UNG: variants seen among roughly 807,000 people sequenced by gnomAD.
UNG encodes the protein uracil DNA glycosylase, also known as uracil-DNA glycosylase.
Under a neutral mutation model 36.5 loss-of-function variants are expected in UNG, and 34 were observed. The observed-to-expected ratio is 0.93, with a 90% confidence interval of 0.71 to 1.24. The LOEUF (loss-of-function observed/expected upper bound fraction) is 1.24, where lower values mean the gene tolerates loss of function less well. UNG is among the 50% of genes most tolerant of loss of function. The pLI is 0.00. For synonymous variants in UNG, 172 were observed against 157.8 expected, an observed-to-expected ratio of 1.09 and a Z score of -0.67; for missense variants, 391 against 397.6, an observed-to-expected ratio of 0.98 and a Z score of 0.14.
intron 3 of UNG, 135 bp downstream of exon 3, chr12:109,099,419 CTG>C (rs2042160269): frequency 9.0e-6 from 7 of 781,472 alleles, no homozygotes; most frequent in South Asian, 8.9e-5. Flanking sequence ...GTTTGGCTGA[CTG>C]TATTTCAGCC....
intron 2 of UNG, 85 bp downstream of exon 2, chr12:109,098,723 T>A: frequency 6.3e-7 from 1 of 1,582,284 alleles, no homozygotes; most frequent in Non-Finnish European, 8.6e-7. Context: ...GCCAAGTTCA[T>A]GTTTCCGTAG....
intron 3 of UNG, 183 bp downstream of exon 3, chr12:109,099,467 T>G (rs1051498811): frequency 3.3e-6 from 2 of 614,046 alleles, no homozygotes; most frequent in South Asian, 3.9e-5. Context: ...CACGTGGTAT[T>G]TATGTGGCAA....
intron 6 of UNG, among the ~76,000 whole-genome samples, chr12:109,107,428 C>A (rs2042225887): frequency 6.6e-6 from 1 of 151,648 alleles, no homozygotes; most frequent in Non-Finnish European, 1.5e-5. Flanking sequence ...GGCTCTTGAA[C>A]TCCTGGACTT....
chr12:109,103,364 G>T (rs1004097919), intron 5 of UNG, 69 bp from the exon 6 acceptor site: 1 of 1,422,930 alleles, frequency 7.0e-7, no homozygotes. Flanking sequence ...CATGGATTTA[G>T]CTCCTGTTGC....
At chr12:109,108,481 A>T (rs1478809488) in intron 6 of UNG, among the ~76,000 whole-genome samples, 1 of 152,092 alleles carries the variant, frequency 6.6e-6, no homozygotes, top group African/African-American at 2.4e-5. Flanking sequence ...AAACACAAAA[A>T]ATTAGCCTGG....
chr12:109,102,947 ATTTTTTTTT>A lies in UNG; in HGVS notation c.622+34_622+42del, dbSNP rs386377711. 3.8e-5 allele frequency: 37 copies of A among 971,342 alleles called. No individual in the cohort carries two copies. The African/African-American group carries it at 6.9e-4, about 18-fold the overall frequency. The allele number at this position is 971,342 out of a possible 1,614,324, so 60.2% of individuals were successfully genotyped here. On this transcript the variant is annotated intron_variant, in intron 5 of 6. Transcript: ENST00000242576. Reference sequence around the variant, plus strand: ...AGCAAGGTAAGCCAGCGACTGCTAGATTTTTTTTTTTTTTTTTTTTTTGAGACCGAGTCT... The same window carrying A: ...AGCAAGGTAAGCCAGCGACTGCTAGATTTTTTTTTTTTTGAGACCGAGTCT...
chr12:109,098,310 T>C (rs768135691), intron 1 of UNG, 122 bp from the exon 2 acceptor site: 1 of 1,591,914 alleles, frequency 6.3e-7, no homozygotes, highest in Non-Finnish European at 8.6e-7. Flanking sequence ...CCGCTTTTGC[T>C]GGGACCTGTT....
chr12:109,102,341 G>A (rs2042184530), intron 4 of UNG, among the ~76,000 whole-genome samples: 2 of 152,206 alleles, frequency 1.3e-5, no homozygotes, highest in East Asian at 1.9e-4. Flanking sequence ...GGCCGGGCGC[G>A]GTGACTCACG....
At chr12:109,106,918 T>TATATATATATATAC (rs1593324397) in intron 6 of UNG, among the ~76,000 whole-genome samples, 1 of 5,782 alleles carries the variant, frequency 1.7e-4, no homozygotes, top group African/African-American at 6.6e-4. Flanking sequence ...TATATATATG[T>TATATATATATATAC]GTATATATAT....
At chr12:109,106,934 T>TATATATAA (rs1566123324) in intron 6 of UNG, among the ~76,000 whole-genome samples, 1 of 39,906 alleles carries the variant, frequency 2.5e-5, no homozygotes, top group Non-Finnish European at 4.4e-5. Context: ...TATATATATA[T>TATATATAA]AAAAAATATT....
intron 4 of UNG, 89 bp from the exon 5 acceptor site, chr12:109,102,749 TA>T: frequency 9.0e-7 from 1 of 1,106,052 alleles, no homozygotes; most frequent in Non-Finnish European, 1.4e-6. Context: ...CTGTAACTTC[TA>T]ACCTTTTCAC....
Position 109,099,210 on chromosome 12 carries a change from G to T in UNG, c.361G>T (p.Glu121Ter). ...FIKLMGFVAE[E>*]RKHYTVYPPP... ...TCAGCTAATGGGATTTGTTGCAGAA[G>T]AAAGAAAGCATTACACTGTTTATCC... The change falls in exon 3 of 7, where the codon GAA (glutamate) becomes TAA (stop). Residue 121 changes from glutamate (E) to a stop codon, truncating the protein, a stop_gained. Coordinates refer to ENST00000242576, the MANE Select transcript of UNG (RefSeq NM_080911.3). LOFTEE classifies it high-confidence loss of function. 6.2e-7 allele frequency: 1 copy of T among 1,613,580 alleles called. No homozygotes were observed. Among genetic ancestry groups the T allele is most frequent in the Non-Finnish European group, 8.5e-7 (1 of 1,179,936 alleles).
At chr12:109,108,997 T>G (rs1317970536) in intron 6 of UNG, among the ~76,000 whole-genome samples, 1 of 152,180 alleles carries the variant, frequency 6.6e-6, no homozygotes, top group Non-Finnish European at 1.5e-5. Context: ...CACTTCATTG[T>G]AAAAGAAGCT....
In UNG at chr12:109,110,986, A is replaced by G. The variant is rs1190026641; in HGVS notation, c.*1017A>G. ...CGAGGTTTGTTAATAAAAGTTTGTT[A>G]AAAGTTTGTTTTGTGCAAGTGTCCT... On this transcript the variant is annotated 3_prime_UTR_variant, in exon 7 of 7. Coordinates refer to ENST00000242576, the MANE Select transcript of UNG (RefSeq NM_080911.3). 2 of 152,108 alleles carry G rather than the reference A, an allele frequency of 1.3e-5. No homozygotes were observed. Among genetic ancestry groups the G allele is most frequent in the African/African-American group, 4.8e-5 (2 of 41,416 alleles). 9.4% of individuals were successfully genotyped at this position (152,108 alleles called of 1,614,324 possible). A position where few individuals can be genotyped will look rare whatever the true frequency, so the allele number is the denominator to read the frequency against.
chr12:109,103,512 C>T lies in UNG; in HGVS notation c.702C>T (p.Phe234=). ...NSHKERGWEQ[F]TDAVVSWLNQ... ...ATAAGGAGCGAGGCTGGGAGCAGTT[C>T]ACTGATGCAGTTGTGTCCTGGCTAA... is the stretch of plus-strand genomic sequence containing the variant. The change falls in exon 6 of 7, where the codon TTC becomes TTT. Residue 234 remains phenylalanine (F), a synonymous_variant. Transcript: ENST00000242576. 1 of 1,614,228 alleles carries T rather than the reference C, an allele frequency of 6.2e-7. No individual in the cohort carries two copies. The highest frequency in any genetic ancestry group is 8.5e-7 in the Non-Finnish European group (1 of 1,180,036).
At chr12:109,106,917 G>GTATATATA (rs1473302640) in intron 6 of UNG, among the ~76,000 whole-genome samples, 12 of 2,552 alleles carry the variant, frequency 4.7e-3, no homozygotes, top group South Asian at 0.013. Context: ...ATATATATAT[G>GTATATATA]TGTATATATA....
At chr12:109,101,039 G>A (rs2042172104) in intron 3 of UNG, among the ~76,000 whole-genome samples, 1 of 149,732 alleles carries the variant, frequency 6.7e-6, no homozygotes, top group African/African-American at 2.5e-5. Context: ...TTCTCTTCTG[G>A]CTCCACCTGT....
intron 6 of UNG, among the ~76,000 whole-genome samples, chr12:109,109,464 A>G (rs1425212853): frequency 6.7e-6 from 1 of 149,968 alleles, no homozygotes; most frequent in African/African-American, 2.5e-5. Context: ...TGCAACAGCC[A>G]CAGTCCTTCC....
intron 6 of UNG, among the ~76,000 whole-genome samples, chr12:109,104,738 C>T (rs1365684896): frequency 6.6e-6 from 1 of 151,954 alleles, no homozygotes; most frequent in Non-Finnish European, 1.5e-5. Context: ...GTGTTCATCC[C>T]TGGCAAATGG....
Sources: allele counts gnomAD v4.1 joint callset (sites outside exome capture counted in the v4.1 genomes callset), GRCh38; gene constraint gnomAD v4.1.1; transcripts MANE v1.5; gene names NCBI Gene and HGNC (gene_info 2026-07-23, HGNC 2026-07-21).